The following ZNF385B variants were observed in gnomAD, a reference collection of about 807,000 sequenced individuals.
ZNF385B encodes zinc finger protein 533.
In ZNF385B, 23 loss-of-function variants were observed where a neutral mutation model predicts 39.2. The ratio of observed to expected loss-of-function variants is 0.59; its 90% CI spans 0.42 to 0.83. The LOEUF (loss-of-function observed/expected upper bound fraction) is 0.83. Ranked by LOEUF, ZNF385B falls within the 40% of genes least tolerant of loss-of-function variation. The probability of loss-of-function intolerance (pLI) is 0.00; values close to 1 mark genes in which losing one functional copy is unlikely to be tolerated. For synonymous variants in ZNF385B, 205 were observed against 222.6 expected, an observed-to-expected ratio of 0.92 and a Z score of 0.70; for missense variants, 552 against 598.9, an observed-to-expected ratio of 0.92 and a Z score of 0.82.
rs555082510 is a variant in ZNF385B at position 179,570,447 on chromosome 2, T to G, written c.299-25478A>C. Among the ~76,000 whole-genome samples, 4 of 152,320 alleles carry G rather than the reference T, an allele frequency of 2.6e-5. No individual in the cohort carries two copies. In the South Asian group the frequency reaches 8.3e-4, roughly 32 times the overall value. On this transcript the variant is annotated intron_variant, in intron 3 of 9. Coordinates refer to ENST00000410066, the MANE Select transcript of ZNF385B (RefSeq NM_152520.6). ...CCAGACCCCAGTTCAAATTTTGCTTTTACCATTTAATAGTGAAAAGACTTT... is the reference window on the plus strand; with the variant it reads ...CCAGACCCCAGTTCAAATTTTGCTTGTACCATTTAATAGTGAAAAGACTTT...
intron 6 of ZNF385B, among the ~76,000 whole-genome samples, chr2:179,476,853 A>G (rs1481468464): frequency 6.6e-6 from 1 of 152,228 alleles, no homozygotes; most frequent in African/African-American, 2.4e-5. Context: ...CTACATGACT[A>G]TACCCCAGAA....
intron 1 of ZNF385B, among the ~76,000 whole-genome samples, chr2:179,819,712 C>A (rs932006887): frequency 3.3e-5 from 5 of 152,170 alleles, no homozygotes; most frequent in Non-Finnish European, 7.3e-5. Flanking sequence ...GGTGTCCAAA[C>A]CTCAAGGACA....
chr2:179,646,368 C>T (rs567577042), intron 3 of ZNF385B, among the ~76,000 whole-genome samples: 43 of 152,310 alleles, frequency 2.8e-4, no homozygotes, highest in South Asian at 1.9e-3. Context: ...GCCGAGATTG[C>T]GCCACTGCAA....
chr2:179,832,061 G>C (rs907692809), intron 1 of ZNF385B, among the ~76,000 whole-genome samples: 1 of 152,220 alleles, frequency 6.6e-6, no homozygotes, highest in African/African-American at 2.4e-5. Flanking sequence ...ATATGTGGCA[G>C]AGCCTCCTTC....
chr2:179,722,807 C>T (rs964745029), intron 3 of ZNF385B, among the ~76,000 whole-genome samples: 1 of 151,920 alleles, frequency 6.6e-6, no homozygotes, highest in Non-Finnish European at 1.5e-5. Flanking sequence ...AATTTATCTG[C>T]AACATAGAAA....
intron 3 of ZNF385B, among the ~76,000 whole-genome samples, chr2:179,654,453 G>A (rs3106692): frequency 0.026 from 3,911 of 152,226 alleles, 170 homozygotes; most frequent in African/African-American, 0.088. Context: ...AGCCTACTAC[G>A]TAGGAACAGA....
intron 3 of ZNF385B, among the ~76,000 whole-genome samples, chr2:179,705,375 C>G (rs140066283): frequency 6.6e-6 from 1 of 152,230 alleles, no homozygotes; most frequent in Non-Finnish European, 1.5e-5. Context: ...CAAAGACTTA[C>G]CAAACATTTG....
chr2:179,728,412 T>C (rs1701161065), intron 3 of ZNF385B, among the ~76,000 whole-genome samples: 1 of 152,222 alleles, frequency 6.6e-6, no homozygotes. Flanking sequence ...CATAACTACG[T>C]GACTTACTGA....
At chr2:179,842,601 T>C (rs1559243728) in intron 1 of ZNF385B, among the ~76,000 whole-genome samples, 1 of 152,034 alleles carries the variant, frequency 6.6e-6, no homozygotes, top group Admixed American at 6.6e-5. Flanking sequence ...CCTTGTAAGA[T>C]TTTATTTGAA....
chr2:179,618,588 T>C (rs1234536791), intron 3 of ZNF385B, among the ~76,000 whole-genome samples: 1 of 152,186 alleles, frequency 6.6e-6, no homozygotes, highest in Non-Finnish European at 1.5e-5. Flanking sequence ...CATCTTCCTG[T>C]AACCATAGCA....
At chr2:179,599,042 C>G (rs1050022006) in intron 3 of ZNF385B, among the ~76,000 whole-genome samples, 1 of 152,168 alleles carries the variant, frequency 6.6e-6, no homozygotes, top group Non-Finnish European at 1.5e-5. Context: ...TGTGAGGAAT[C>G]ATGATTTAAT....
At chr2:179,529,391 G>A (rs1008393168) in intron 4 of ZNF385B, among the ~76,000 whole-genome samples, 6 of 152,130 alleles carry the variant, frequency 3.9e-5, no homozygotes, top group African/African-American at 1.4e-4. Flanking sequence ...TTTCCATCAG[G>A]ATGCTAAGAA....
At chr2:179,806,892 C>T (rs180805113) in intron 1 of ZNF385B, among the ~76,000 whole-genome samples, 7 of 152,232 alleles carry the variant, frequency 4.6e-5, no homozygotes, top group East Asian at 1.9e-4. Context: ...TTCAATTTCA[C>T]GCCATATACA....
chr2:179,646,954 A>G (rs1027811274), intron 3 of ZNF385B, among the ~76,000 whole-genome samples: 2 of 152,238 alleles, frequency 1.3e-5, no homozygotes, highest in African/African-American at 4.8e-5. Flanking sequence ...AAAATTTCAT[A>G]CAAACATTAC....
At chr2:179,850,780 C>T (rs543914729) in intron 1 of ZNF385B, among the ~76,000 whole-genome samples, 19 of 152,238 alleles carry the variant, frequency 1.2e-4, no homozygotes, top group Admixed American at 3.9e-4. Flanking sequence ...TATAATAAGG[C>T]TTGAGAGAGA....
At chr2:179,454,432 G>T (rs371464177) in intron 6 of ZNF385B, among the ~76,000 whole-genome samples, 1 of 152,132 alleles carries the variant, frequency 6.6e-6, no homozygotes, top group East Asian at 1.9e-4. Context: ...AATAATAAAT[G>T]ACTGTGTTAC....
chr2:179,818,336 G>A (rs1175241266), intron 1 of ZNF385B, among the ~76,000 whole-genome samples: 1 of 152,160 alleles, frequency 6.6e-6, no homozygotes, highest in East Asian at 1.9e-4. Context: ...TTTAGCAGCA[G>A]GGCATGGAGG....
chr2:179,670,363 T>C (rs541353729), intron 3 of ZNF385B, among the ~76,000 whole-genome samples: 19 of 151,658 alleles, frequency 1.3e-4, no homozygotes, highest in Non-Finnish European at 2.4e-4. Flanking sequence ...CAGCATGACA[T>C]TATTGAGTGT....
chr2:179,829,399 T>G (rs1707851008), intron 1 of ZNF385B, among the ~76,000 whole-genome samples: 1 of 152,186 alleles, frequency 6.6e-6, no homozygotes, highest in South Asian at 2.1e-4. Context: ...ACCTTACACC[T>G]TTAACAAAAA....
Sources: gnomAD v4.1 joint callset for allele counts (sites outside exome capture counted in the v4.1 genomes callset) on GRCh38, gnomAD v4.1.1 for gene constraint, MANE v1.5 for transcripts, NCBI Gene and HGNC (gene_info 2026-07-23, HGNC 2026-07-21) for gene names.